The following LRRC40 variants were observed in gnomAD, a reference collection of about 807,000 sequenced individuals.
LRRC40 encodes leucine-rich repeat-containing protein 40.
LRRC40 carries 76 observed loss-of-function variants against 72.8 expected under a neutral mutation model. That is an observed-to-expected ratio of 1.04 (90% CI 0.87 to 1.26). LRRC40 has a LOEUF of 1.26. Ranked by LOEUF, LRRC40 falls within the 50% of genes most tolerant of loss-of-function variation. The pLI, the probability that LRRC40 is intolerant of heterozygous loss-of-function variation, is 0.00. For missense variants in LRRC40, 684 were observed against 698.9 expected (o/e 0.98, Z 0.24); for synonymous variants, 243 against 254.2 (o/e 0.96, Z 0.42).
chr1:70,183,699 C>T (rs949441353), intron 4 of LRRC40, among the ~76,000 whole-genome samples: 15 of 151,946 alleles, frequency 9.9e-5, no homozygotes, highest in Non-Finnish European at 1.9e-4. Context: ...CTTACAGGCA[C>T]GTGCCACCAC....
At chr1:70,151,072 T>G in intron 13 of LRRC40, 56 bp downstream of exon 13, 6 of 980,586 alleles carry the variant, frequency 6.1e-6, no homozygotes, top group Non-Finnish European at 9.3e-6. Flanking sequence ...TTTTCTCCAA[T>G]GAGAAAGATC....
At chr1:70,187,403 C>G in intron 2 of LRRC40, 65 bp from the exon 3 acceptor site, 2 of 793,078 alleles carry the variant, frequency 2.5e-6, no homozygotes, top group South Asian at 3.2e-5. Flanking sequence ...ATAAGCTTTG[C>G]CAGTGTACAA....
In LRRC40 at chr1:70,145,596, A is replaced by G; in HGVS notation, c.*204T>C. 2 of 377,654 alleles carry G rather than the reference A, an allele frequency of 5.3e-6. No homozygotes were observed. The highest frequency in any genetic ancestry group is 9.5e-6 in the Non-Finnish European group (2 of 211,428). 23.4% of individuals were successfully genotyped at this position (377,654 alleles called of 1,614,324 possible). A position where few individuals can be genotyped will look rare whatever the true frequency, so the allele number is the denominator to read the frequency against. On this transcript the variant is annotated 3_prime_UTR_variant, in exon 15 of 15. Coordinates refer to ENST00000370952, the MANE Select transcript of LRRC40 (RefSeq NM_017768.5). ...ATTACAAATGTATACAACACCTTAC[A>G]AAAATCTTAAATAAAAATGTAAAAA...
At chr1:70,171,063 T>C (rs1028146169) in intron 9 of LRRC40, among the ~76,000 whole-genome samples, 5 of 152,078 alleles carry the variant, frequency 3.3e-5, no homozygotes, top group African/African-American at 1.2e-4. Flanking sequence ...ACATTTATAG[T>C]CAGTTGATTT....
In LRRC40 at chr1:70,175,977, C is replaced by T; in HGVS notation, c.810G>A (p.Leu270=). 1.3e-6 allele frequency: 2 copies of T among 1,548,106 alleles called. No individual in the cohort carries two copies. The highest frequency in any genetic ancestry group is 2.8e-5 in the African/African-American group (2 of 71,216). Residue 270 remains leucine (L), a synonymous_variant, in exon 7 of 15, where the codon TTG becomes TTA. Transcript: ENST00000370952. ...TTTCAATCTGGTTTTCACCTACGTG[C>T]AATTCCTACAAAATCAAAGATGAGT... The part of the protein sequence containing the change: ...EFPSCSLLKE[L]HVGENQIEML...
chr1:70,157,459 G>A (rs957550283), intron 10 of LRRC40, among the ~76,000 whole-genome samples: 10 of 152,186 alleles, frequency 6.6e-5, no homozygotes, highest in Non-Finnish European at 1.5e-4. Context: ...AGTAATCTAA[G>A]ATTATGCTTT....
At chr1:70,153,903 G>C (rs984412523) in intron 11 of LRRC40, among the ~76,000 whole-genome samples, 21 of 148,178 alleles carry the variant, frequency 1.4e-4, no homozygotes, top group African/African-American at 5.3e-4. Context: ...AACCTGAGAG[G>C]TTAAGGGTGC....
intron 1 of LRRC40, among the ~76,000 whole-genome samples, chr1:70,189,944 T>C (rs1378846003): frequency 6.6e-6 from 1 of 152,256 alleles, no homozygotes. Flanking sequence ...CTGACTTTGG[T>C]AGCTACTCTT....
intron 1 of LRRC40, among the ~76,000 whole-genome samples, chr1:70,193,436 G>A (rs1197618673): frequency 1.3e-5 from 2 of 151,540 alleles, no homozygotes; most frequent in African/African-American, 4.8e-5. Flanking sequence ...ATAGAAAGTA[G>A]CCTTGCATCT....
At chr1:70,200,221 C>T (rs114630332) in intron 1 of LRRC40, among the ~76,000 whole-genome samples, 2,202 of 152,218 alleles carry the variant, frequency 0.014, 32 homozygotes, top group South Asian at 0.048. Context: ...AATCCCAGTA[C>T]TTCGGGAGGC....
At chr1:70,201,883 G>A (rs532150308) in intron 1 of LRRC40, among the ~76,000 whole-genome samples, 63 of 152,124 alleles carry the variant, frequency 4.1e-4, no homozygotes, top group African/African-American at 1.4e-3. Flanking sequence ...AGGCTGAGAC[G>A]GGAGAATTGC....
intron 1 of LRRC40, among the ~76,000 whole-genome samples, chr1:70,203,738 T>C (rs1668799985): frequency 6.6e-6 from 1 of 152,194 alleles, no homozygotes; most frequent in Admixed American, 6.5e-5. Flanking sequence ...ACCATCTCAA[T>C]GTTATGTGAG....
chr1:70,165,792 T>A (rs1297003767), intron 9 of LRRC40, among the ~76,000 whole-genome samples: 1 of 152,146 alleles, frequency 6.6e-6, no homozygotes, highest in Non-Finnish European at 1.5e-5. Context: ...TAGGCCCCAT[T>A]ACCCCAAAAT....
At chr1:70,146,271 C>T (rs1451615787) in intron 14 of LRRC40, among the ~76,000 whole-genome samples, 1 of 152,030 alleles carries the variant, frequency 6.6e-6, no homozygotes, top group Non-Finnish European at 1.5e-5. Flanking sequence ...GTAATCTGCC[C>T]GCCTCAGCCT....
chr1:70,201,719 T>C (rs1571502480), intron 1 of LRRC40, among the ~76,000 whole-genome samples: 1 of 152,132 alleles, frequency 6.6e-6, no homozygotes, highest in Non-Finnish European at 1.5e-5. Flanking sequence ...ACGCCTGTAA[T>C]CCCAACACTT....
At chr1:70,169,295 C>T (rs945979661) in intron 9 of LRRC40, among the ~76,000 whole-genome samples, 1 of 152,230 alleles carries the variant, frequency 6.6e-6, no homozygotes, top group African/African-American at 2.4e-5. Context: ...CTACTTGTTG[C>T]ACCCTTGCAA....
At chr1:70,183,581 G>A in intron 4 of LRRC40, among the ~76,000 whole-genome samples, 1 of 150,650 alleles carries the variant, frequency 6.6e-6, no homozygotes, top group East Asian at 2.0e-4. Flanking sequence ...TTGAGACAGG[G>A]TCTCCTGTCA....
intron 1 of LRRC40, among the ~76,000 whole-genome samples, chr1:70,190,672 G>T (rs1306284197): frequency 4.7e-5 from 1 of 21,332 alleles, no homozygotes; most frequent in Admixed American, 4.2e-4. Context: ...GTGAGACCCT[G>T]TCTCTAAAAA....
chr1:70,148,814 A>G (rs1345634266), intron 13 of LRRC40, 142 bp from the exon 14 acceptor site: 2 of 459,886 alleles, frequency 4.3e-6, no homozygotes, highest in East Asian at 6.3e-5. Flanking sequence ...CTGTATTTGA[A>G]TTTTACAAAA....
Sources: gnomAD v4.1 joint callset for allele counts (sites outside exome capture counted in the v4.1 genomes callset) on GRCh38, gnomAD v4.1.1 for gene constraint, MANE v1.5 for transcripts, NCBI Gene and HGNC (gene_info 2026-07-23, HGNC 2026-07-21) for gene names.